Variants in THRB observed in about 807,000 individuals in gnomAD.
THRB encodes the protein thyroid hormone receptor beta.
A neutral mutation model predicts 47.8 loss-of-function variants in THRB; 12 were observed. The ratio of observed to expected loss-of-function variants is 0.25; its 90% confidence interval spans 0.16 to 0.41. The LOEUF is 0.41. Among genes scored for constraint, THRB ranks in the 10% least tolerant of loss-of-function variants. The pLI is 1.00. For synonymous variants in THRB, 218 were observed against 212.2 expected (o/e 1.03, Z -0.24); for missense variants, 348 against 589.2 (o/e 0.59, Z 4.24).
intron 2 of THRB, among the ~76,000 whole-genome samples, chr3:24,330,460 C>T (rs1389577975): frequency 6.6e-6 from 1 of 152,220 alleles, no homozygotes; most frequent in Non-Finnish European, 1.5e-5. Context: ...CCCATGTACC[C>T]ACCATTCAGA....
In THRB at chr3:24,187,404, T is replaced by C. The variant is rs113106097; in HGVS notation, c.283+2670A>G. Among the ~76,000 whole-genome samples, 305 of 152,342 alleles carry C rather than the reference T, an allele frequency of 2.0e-3. 1 individual carries two copies. The highest frequency in any genetic ancestry group is 7.0e-3 in the African/African-American group (290 of 41,594). On this transcript the variant is annotated intron_variant, in intron 5 of 10. Transcript: ENST00000646209. ...TGACTGATCTGGCAGATGGGCTCACTGCACAGCTTCAAGGAAGTCAATTTG... is the reference window on the plus strand; with the variant it reads ...TGACTGATCTGGCAGATGGGCTCACCGCACAGCTTCAAGGAAGTCAATTTG...
chr3:24,317,585 T>C (rs1156506774), intron 2 of THRB, among the ~76,000 whole-genome samples: 1 of 152,174 alleles, frequency 6.6e-6, no homozygotes, highest in Middle Eastern at 3.4e-3. Flanking sequence ...GCCATTGCAC[T>C]GGCTAGGGTG....
intron 1 of THRB, among the ~76,000 whole-genome samples, chr3:24,372,638 G>A (rs1455924766): frequency 6.6e-6 from 1 of 152,074 alleles, no homozygotes; most frequent in African/African-American, 2.4e-5. Context: ...GCTCATTTCA[G>A]TCAATCCCAT....
At chr3:24,483,750 C>A (rs1696831503) in intron 1 of THRB, among the ~76,000 whole-genome samples, 1 of 152,194 alleles carries the variant, frequency 6.6e-6, no homozygotes, top group South Asian at 2.1e-4. Context: ...TTAGTTACCT[C>A]ATTGAATTAA....
Position 24,436,446 on chromosome 3 carries a change from A to G in THRB, c.-261+58206T>C, listed in dbSNP as rs529691393. ...AAGACGGAGTCAGAACTCAAAGTTC[A>G]GGTTTCTTAAAATATATAGATAGTA... On this transcript the variant is annotated intron_variant, in intron 1 of 10. Transcript: ENST00000646209. 1.1e-4 allele frequency among the ~76,000 whole-genome samples: 16 copies of G among 152,256 alleles called. No homozygotes were observed. In the East Asian group the frequency reaches 2.9e-3, roughly 28 times the overall value.
At chr3:24,175,181 G>C (rs900914302) in intron 5 of THRB, among the ~76,000 whole-genome samples, 1 of 152,182 alleles carries the variant, frequency 6.6e-6, no homozygotes, top group Admixed American at 6.5e-5. Context: ...TATATAGTCT[G>C]ATTTCAGCCT....
At chr3:24,201,373 C>T (rs1291664589) in intron 4 of THRB, among the ~76,000 whole-genome samples, 1 of 152,204 alleles carries the variant, frequency 6.6e-6, no homozygotes, top group Non-Finnish European at 1.5e-5. Context: ...ATATCTACGG[C>T]CCTGTTACTC....
At chr3:24,380,010 T>C (rs1246484260) in intron 1 of THRB, among the ~76,000 whole-genome samples, 1 of 151,446 alleles carries the variant, frequency 6.6e-6, no homozygotes, top group Non-Finnish European at 1.5e-5. Context: ...ATATGCCCAT[T>C]GCCTTGGCCC....
intron 4 of THRB, among the ~76,000 whole-genome samples, chr3:24,194,557 T>C (rs2043741505): frequency 6.6e-6 from 1 of 152,228 alleles, no homozygotes; most frequent in Non-Finnish European, 1.5e-5. Flanking sequence ...TAGGGACATG[T>C]GAACTGCATT....
intron 4 of THRB, among the ~76,000 whole-genome samples, chr3:24,206,419 T>A (rs1478609554): frequency 6.6e-6 from 1 of 152,046 alleles, no homozygotes; most frequent in Non-Finnish European, 1.5e-5. Flanking sequence ...CATAACAAAA[T>A]GAAGGCAGTA....
At chr3:24,325,947 G>A (rs2058776841) in intron 2 of THRB, among the ~76,000 whole-genome samples, 1 of 152,108 alleles carries the variant, frequency 6.6e-6, no homozygotes, top group African/African-American at 2.4e-5. Context: ...TTTTAGGACT[G>A]ATAGCCCTCC....
At chr3:24,338,276 A>C (rs1035230858) in intron 1 of THRB, among the ~76,000 whole-genome samples, 1 of 152,194 alleles carries the variant, frequency 6.6e-6, no homozygotes, top group Non-Finnish European at 1.5e-5. Context: ...AATCTCCTTG[A>C]CAACCCCACA....
chr3:24,263,064 C>T (rs2052246622), intron 3 of THRB, among the ~76,000 whole-genome samples: 1 of 152,154 alleles, frequency 6.6e-6, no homozygotes, highest in Non-Finnish European at 1.5e-5. Flanking sequence ...AGGGGTAAAC[C>T]ATTCCATTTT....
intron 5 of THRB, among the ~76,000 whole-genome samples, chr3:24,173,009 TAA>T (rs757075690): frequency 2.0e-5 from 3 of 152,132 alleles, no homozygotes; most frequent in Non-Finnish European, 4.4e-5. Flanking sequence ...ACAAAGATTA[TAA>T]AAGAGTCCAA....
At chr3:24,251,047 A>T (rs561125895) in intron 3 of THRB, among the ~76,000 whole-genome samples, 2 of 152,204 alleles carry the variant, frequency 1.3e-5, no homozygotes, top group South Asian at 2.1e-4. Context: ...AATCAGACAC[A>T]TAAAAAAAGA....
At chr3:24,129,801 G>C (rs2033530267) in intron 9 of THRB, among the ~76,000 whole-genome samples, 1 of 152,202 alleles carries the variant, frequency 6.6e-6, no homozygotes, top group African/African-American at 2.4e-5. Context: ...AGACGACAGG[G>C]CCCTGCACTC....
chr3:24,426,110 A>C (rs571215547), intron 1 of THRB, among the ~76,000 whole-genome samples: 335 of 152,066 alleles, frequency 2.2e-3, no homozygotes, highest in Middle Eastern at 0.02. Context: ...CTACCTATCT[A>C]TCTATGTGTC....
At chr3:24,127,199 C>A (rs1300132301) in intron 10 of THRB, among the ~76,000 whole-genome samples, 2 of 152,164 alleles carry the variant, frequency 1.3e-5, no homozygotes, top group African/African-American at 2.4e-5. Context: ...CAGAAGGAGG[C>A]AGGTTTGGCC....
Position 24,465,438 on chromosome 3 carries a change from C to T in THRB, c.-261+29214G>A, listed in dbSNP as rs113972778. Among the ~76,000 whole-genome samples the T allele has an allele frequency of 2.0e-3, 297 of 152,234 alleles. 4 individuals are homozygous for T. In the South Asian group the frequency reaches 0.031, roughly 16 times the overall value. On this transcript the variant is annotated intron_variant, in intron 1 of 10. Coordinates refer to ENST00000646209, the MANE Select transcript of THRB (RefSeq NM_001354712.2). ...TATTTTTTGAGACTGAGTCTCCCTC[C>T]GTTGCCTAGATTAGAGTGCAGTGGC...
Sources: gnomAD v4.1 joint callset for allele counts (sites outside exome capture counted in the v4.1 genomes callset) on GRCh38, gnomAD v4.1.1 for gene constraint, MANE v1.5 for transcripts, NCBI Gene and HGNC (gene_info 2026-07-23, HGNC 2026-07-21) for gene names.